Variants in SCHIP1 observed in about 807,000 individuals in gnomAD.
The protein encoded by SCHIP1 is schwannomin-interacting protein 1.
In SCHIP1, 8 loss-of-function variants were observed where a neutral mutation model predicts 29.7. That is an observed-to-expected ratio of 0.27 (90% CI 0.16 to 0.49). SCHIP1 has a LOEUF of 0.49. SCHIP1 is among the 20% of genes least tolerant of loss of function. The pLI, the probability that SCHIP1 is intolerant of heterozygous loss-of-function variation, is 0.99. For missense variants in SCHIP1, 193 were observed against 294.6 expected (o/e 0.66, Z 2.52); for synonymous variants, 76 against 94.9 (o/e 0.80, Z 1.16).
At chr3:159,296,455 G>A in the SCHIP1 span, among the ~76,000 whole-genome samples, 1 of 152,096 alleles carries the variant, frequency 6.6e-6, no homozygotes, top group Non-Finnish European at 1.5e-5. Flanking sequence ...GTATTTATAT[G>A]TATGTGTGGT....
At chr3:159,553,261 A>G in the SCHIP1 span, among the ~76,000 whole-genome samples, 1 of 122,192 alleles carries the variant, frequency 8.2e-6, no homozygotes, top group South Asian at 2.6e-4. Context: ...CAAATGGAAA[A>G]GGTTAAAAAA....
At chr3:159,374,499 C>T in the SCHIP1 span, among the ~76,000 whole-genome samples, 1 of 152,084 alleles carries the variant, frequency 6.6e-6, no homozygotes, top group Non-Finnish European at 1.5e-5. Context: ...TTCGGTCACT[C>T]CACATATCAC....
chr3:159,725,048 AC>A, the SCHIP1 span, among the ~76,000 whole-genome samples: 2 of 152,184 alleles, frequency 1.3e-5, no homozygotes, highest in African/African-American at 4.8e-5. Context: ...AAGCTACCTA[AC>A]TGTAATAAGT....
At chr3:159,843,308 C>T (rs906662202) in intron 1 of SCHIP1, among the ~76,000 whole-genome samples, 8 of 151,736 alleles carry the variant, frequency 5.3e-5, no homozygotes, top group African/African-American at 1.9e-4. Context: ...CGCGGCCTAT[C>T]CCAATATTTC....
the SCHIP1 span, among the ~76,000 whole-genome samples, chr3:159,796,680 T>TTG: frequency 1.3e-5 from 2 of 151,378 alleles, no homozygotes; most frequent in African/African-American, 4.9e-5. Flanking sequence ...ATGCAAAGAA[T>TTG]TGAGAACCAT....
At chr3:159,276,364 T>C in the SCHIP1 span, among the ~76,000 whole-genome samples, 1 of 152,132 alleles carries the variant, frequency 6.6e-6, no homozygotes, top group African/African-American at 2.4e-5. Context: ...TGCTGATTGA[T>C]TCCAAATGGG....
chr3:159,563,725 T>C, the SCHIP1 span, among the ~76,000 whole-genome samples: 1 of 151,976 alleles, frequency 6.6e-6, no homozygotes, highest in African/African-American at 2.4e-5. Flanking sequence ...ACTCTGAGGC[T>C]AAGGCAACAG....
the SCHIP1 span, among the ~76,000 whole-genome samples, chr3:159,689,910 G>C: frequency 2.0e-5 from 3 of 152,242 alleles, no homozygotes; most frequent in Admixed American, 2.0e-4. Context: ...TTATTGATTT[G>C]CATATGTTTA....
the SCHIP1 span, among the ~76,000 whole-genome samples, chr3:159,427,114 G>T: frequency 6.6e-6 from 1 of 152,114 alleles, no homozygotes; most frequent in South Asian, 2.1e-4. Flanking sequence ...GGCAAAAACT[G>T]GAAGCATTCC....
At chr3:159,513,601 C>T in the SCHIP1 span, among the ~76,000 whole-genome samples, 1 of 152,166 alleles carries the variant, frequency 6.6e-6, no homozygotes, top group African/African-American at 2.4e-5. Flanking sequence ...ATGACTTCCT[C>T]CAGCCCGGCT....
the SCHIP1 span, among the ~76,000 whole-genome samples, chr3:159,350,869 A>T: frequency 1.3e-5 from 2 of 152,112 alleles, no homozygotes; most frequent in Non-Finnish European, 2.9e-5. Flanking sequence ...ATTCATCCTG[A>T]TGATTTTAAG....
At chr3:159,805,297 T>G in the SCHIP1 span, among the ~76,000 whole-genome samples, 4 of 152,120 alleles carry the variant, frequency 2.6e-5, no homozygotes, top group East Asian at 3.8e-4. Context: ...GAACTGGGGC[T>G]CCTAGCCTGA....
chr3:159,434,652 C>T, the SCHIP1 span, among the ~76,000 whole-genome samples: 1 of 152,102 alleles, frequency 6.6e-6, no homozygotes, highest in African/African-American at 2.4e-5. Context: ...TATCTTTTCC[C>T]AAATCTCTCC....
At chr3:159,300,362 G>A in the SCHIP1 span, among the ~76,000 whole-genome samples, 2 of 151,700 alleles carry the variant, frequency 1.3e-5, no homozygotes, top group African/African-American at 2.4e-5. Context: ...TGTAATTCCT[G>A]TTCTCAAGCA....
chr3:159,691,613 T>C, the SCHIP1 span, among the ~76,000 whole-genome samples: 1 of 152,132 alleles, frequency 6.6e-6, no homozygotes, highest in Non-Finnish European at 1.5e-5. Context: ...AAGGGTAATA[T>C]TGTTATGTGT....
chr3:159,439,620 T>C, the SCHIP1 span, among the ~76,000 whole-genome samples: 2 of 152,212 alleles, frequency 1.3e-5, no homozygotes, highest in African/African-American at 4.8e-5. Flanking sequence ...TGATTTGCAT[T>C]ACTCTAATGA....
At chr3:159,864,638 A>G (rs1714428530) in intron 1 of SCHIP1, among the ~76,000 whole-genome samples, 1 of 152,156 alleles carries the variant, frequency 6.6e-6, no homozygotes, top group African/African-American at 2.4e-5. Context: ...TCCAAGGATT[A>G]AAAAGTGTGA....
chr3:159,337,449 C>T, the SCHIP1 span, among the ~76,000 whole-genome samples: 1 of 152,092 alleles, frequency 6.6e-6, no homozygotes, highest in African/African-American at 2.4e-5. Context: ...CAGAAAACCC[C>T]ATTGTCTCAG....
At chr3:159,867,531 CAA>C (rs1190643010) in intron 2 of SCHIP1, among the ~76,000 whole-genome samples, 1 of 152,208 alleles carries the variant, frequency 6.6e-6, no homozygotes, top group African/African-American at 2.4e-5. Flanking sequence ...TACATCAAGA[CAA>C]GAGTGCCAGT....
Sources: allele counts gnomAD v4.1 joint callset (sites outside exome capture counted in the v4.1 genomes callset), GRCh38; gene constraint gnomAD v4.1.1; transcripts MANE v1.5; gene names NCBI Gene and HGNC (gene_info 2026-07-23, HGNC 2026-07-21).